PDS5B: variants seen among roughly 807,000 people sequenced by gnomAD.
PDS5B encodes the protein PDS5 cohesin associated factor B.
A neutral mutation model predicts 184.1 loss-of-function variants in PDS5B; 51 were observed. That is an observed-to-expected ratio of 0.28 (90% confidence interval 0.22 to 0.35). The LOEUF (loss-of-function observed/expected upper bound fraction) is 0.35. Among genes scored for constraint, PDS5B ranks in the 10% least tolerant of loss-of-function variants. The pLI is 1.00. For missense variants in PDS5B, 1,180 were observed against 1,723.3 expected, an observed-to-expected ratio of 0.68 and a Z score of 5.58; for synonymous variants, 566 against 569.2, an observed-to-expected ratio of 0.99 and a Z score of 0.08.
chr13:32,692,426 T>A (rs1288036571), intron 13 of PDS5B, among the ~76,000 whole-genome samples: 1 of 130,250 alleles, frequency 7.7e-6, no homozygotes, highest in African/African-American at 3.1e-5. Flanking sequence ...TTTTTTTTTT[T>A]TTTTTTTTTT....
At chr13:32,723,016 C>A (rs1952770898) in intron 19 of PDS5B, among the ~76,000 whole-genome samples, 1 of 152,144 alleles carries the variant, frequency 6.6e-6, no homozygotes, top group Non-Finnish European at 1.5e-5. Flanking sequence ...ATGTAAACAG[C>A]CAGCACAGGG....
At chr13:32,606,320 T>G (rs1055829956) in intron 1 of PDS5B, among the ~76,000 whole-genome samples, 11 of 152,200 alleles carry the variant, frequency 7.2e-5, no homozygotes, top group African/African-American at 2.7e-4. Flanking sequence ...TCTCCTTCAC[T>G]TATGAAGCTT....
intron 31 of PDS5B, among the ~76,000 whole-genome samples, chr13:32,769,615 T>C (rs1381845418): frequency 2.0e-5 from 3 of 152,232 alleles, no homozygotes; most frequent in Non-Finnish European, 4.4e-5. Context: ...TTATAATAAA[T>C]GATGAATATG....
At chr13:32,660,374 A>T (rs1449802272) in intron 6 of PDS5B, among the ~76,000 whole-genome samples, 1 of 152,228 alleles carries the variant, frequency 6.6e-6, no homozygotes, top group African/African-American at 2.4e-5. Context: ...CTGCTGGGCA[A>T]ATGAACACCT....
At chr13:32,648,094 T>C (rs1291927438) in intron 1 of PDS5B, among the ~76,000 whole-genome samples, 1 of 152,220 alleles carries the variant, frequency 6.6e-6, no homozygotes, top group Non-Finnish European at 1.5e-5. Flanking sequence ...TGTATTCATG[T>C]TGCCTTTCTC....
At chr13:32,728,011 G>T in intron 19 of PDS5B, among the ~76,000 whole-genome samples, 1 of 151,250 alleles carries the variant, frequency 6.6e-6, no homozygotes, top group Admixed American at 6.6e-5. Context: ...TATTTTGATA[G>T]TTTCTATTGC....
intron 31 of PDS5B, among the ~76,000 whole-genome samples, chr13:32,765,974 T>G (rs1289892412): frequency 6.6e-6 from 1 of 152,244 alleles, no homozygotes; most frequent in African/African-American, 2.4e-5. Flanking sequence ...ATTGGCTGTT[T>G]AAAATTTTCA....
chr13:32,692,340 G>A (rs1215630866), intron 13 of PDS5B, among the ~76,000 whole-genome samples: 5 of 149,198 alleles, frequency 3.4e-5, no homozygotes, highest in African/African-American at 7.4e-5. Flanking sequence ...TCCTATTAGC[G>A]ACAGTAGTAG....
intron 1 of PDS5B, among the ~76,000 whole-genome samples, chr13:32,591,878 A>G (rs2057780713): frequency 6.6e-6 from 1 of 152,202 alleles, no homozygotes; most frequent in Admixed American, 6.5e-5. Flanking sequence ...AAGAAGAGGA[A>G]AAATATTTTG....
intron 6 of PDS5B, among the ~76,000 whole-genome samples, chr13:32,664,128 A>G (rs552410393): frequency 6.6e-6 from 1 of 152,324 alleles, no homozygotes. Context: ...GTCAGTGGAC[A>G]GTTAGATTGG....
At chr13:32,604,469 T>C (rs1222372714) in intron 1 of PDS5B, among the ~76,000 whole-genome samples, 2 of 152,194 alleles carry the variant, frequency 1.3e-5, no homozygotes, top group African/African-American at 2.4e-5. Context: ...CTGCTGGATT[T>C]GGTTGGCCAG....
chr13:32,591,823 C>T (rs769331629), intron 1 of PDS5B, among the ~76,000 whole-genome samples: 1 of 152,198 alleles, frequency 6.6e-6, no homozygotes, highest in Non-Finnish European at 1.5e-5. Flanking sequence ...CACCTACCTT[C>T]ACCCTTACCT....
chr13:32,601,850 A>G (rs1346685139), intron 1 of PDS5B, among the ~76,000 whole-genome samples: 1 of 152,264 alleles, frequency 6.6e-6, no homozygotes, highest in African/African-American at 2.4e-5. Flanking sequence ...GGTTTTAGAG[A>G]TGGCACATAC....
intron 7 of PDS5B, 130 bp from the exon 8 acceptor site, chr13:32,673,086 T>C (rs768187393): frequency 1.3e-5 from 10 of 765,528 alleles, no homozygotes; most frequent in Non-Finnish European, 2.2e-5. Context: ...CATATAATGT[T>C]AGAAAATATT....
intron 10 of PDS5B, among the ~76,000 whole-genome samples, chr13:32,682,131 T>C (rs1951265018): frequency 6.6e-6 from 1 of 152,202 alleles, no homozygotes; most frequent in African/African-American, 2.4e-5. Flanking sequence ...AACTCAGATT[T>C]ATCCATATTT....
intron 19 of PDS5B, among the ~76,000 whole-genome samples, chr13:32,727,514 T>G (rs767570706): frequency 3.0e-4 from 46 of 152,060 alleles, no homozygotes; most frequent in Non-Finnish European, 8.8e-5. Context: ...TATAGTGAAT[T>G]TTTTGGTCTG....
chr13:32,728,656 T>C (rs1952994738), intron 19 of PDS5B, among the ~76,000 whole-genome samples: 1 of 152,180 alleles, frequency 6.6e-6, no homozygotes, highest in Non-Finnish European at 1.5e-5. Flanking sequence ...TACTACAGCC[T>C]AGAAACTATT....
chr13:32,770,456 A>G lies in PDS5B; in HGVS notation c.3960A>G (p.Gly1320=), dbSNP rs748316488. ...AAAAAGGAAGCAAAAAAAAATCTGGACCTCCAGCACCAGAGGAGGAGGAAG... is the reference window on the plus strand; with the variant it reads ...AAAAAGGAAGCAAAAAAAAATCTGGGCCTCCAGCACCAGAGGAGGAGGAAG... ...TSKKGSKKKS[G]PPAPEEEEEE... Residue 1320 remains glycine (G), a synonymous_variant, in exon 32 of 35, where the codon GGA becomes GGG. Transcript: ENST00000315596. The G allele has an allele frequency of 5.4e-5, 87 of 1,613,206 alleles. 2 individuals carry two copies. In the Admixed American group the frequency reaches 1.4e-3, roughly 26 times the overall value.
chr13:32,658,437 A>G lies in PDS5B; in HGVS notation c.403A>G (p.Ile135Val). The change falls in exon 5 of 35, where the codon ATT becomes GTT. Residue 135 changes from isoleucine to valine, a missense_variant. This residue lies in a region of PDS5B where 22 missense variants were observed against 46.8 expected (regional missense o/e 0.47). Transcript: ENST00000315596. ...FNRYFYLLEN[I>V]AWVKSYNICF... Reference sequence around the variant, plus strand: ...CTTTTTTACACCTTATTTTTAGAACATTGCTTGGGTCAAGTCATATAACAT... The same window carrying G: ...CTTTTTTACACCTTATTTTTAGAACGTTGCTTGGGTCAAGTCATATAACAT... 1 of 1,566,024 alleles carries G rather than the reference A, an allele frequency of 6.4e-7. No individual in the cohort carries two copies. Among genetic ancestry groups the G allele is most frequent in the Non-Finnish European group, 8.7e-7 (1 of 1,146,376 alleles).
Sources: gnomAD v4.1 joint callset for allele counts (sites outside exome capture counted in the v4.1 genomes callset) on GRCh38, gnomAD v4.1.1 for gene constraint, gnomAD v4.1.1 regional missense constraint, MANE v1.5 for transcripts, NCBI Gene and HGNC (gene_info 2026-07-23, HGNC 2026-07-21) for gene names.